The following TMEM132C variants were observed in gnomAD, a reference collection of about 807,000 sequenced individuals.
TMEM132C encodes the protein transmembrane protein 132C, also known as protein phosphatase 1, regulatory subunit 152.
A neutral mutation model predicts 61.4 loss-of-function variants in TMEM132C; 29 were observed. The ratio of observed to expected loss-of-function variants is 0.47; its 90% CI spans 0.35 to 0.64. The LOEUF (loss-of-function observed/expected upper bound fraction) is 0.64. TMEM132C is among the 30% of genes least tolerant of loss of function. TMEM132C has a pLI of 0.00. For synonymous variants in TMEM132C, 656 were observed against 633.1 expected, an observed-to-expected ratio of 1.04 and a Z score of -0.54; for missense variants, 1,408 against 1,476.9, an observed-to-expected ratio of 0.95 and a Z score of 0.76.
chr12:128,378,306 C>T (rs1435288383), intron 1 of TMEM132C, among the ~76,000 whole-genome samples: 5 of 151,898 alleles, frequency 3.3e-5, no homozygotes, highest in Admixed American at 6.6e-5. Context: ...TTAGTAGAGA[C>T]GGGGTTTGAC....
intron 4 of TMEM132C, among the ~76,000 whole-genome samples, chr12:128,659,670 G>T (rs1358019713): frequency 6.6e-6 from 1 of 152,210 alleles, no homozygotes; most frequent in African/African-American, 2.4e-5. Context: ...GGCTACAGAT[G>T]GAAGGAAGGA....
At chr12:128,689,627 A>G (rs896010588) in intron 5 of TMEM132C, among the ~76,000 whole-genome samples, 1 of 152,084 alleles carries the variant, frequency 6.6e-6, no homozygotes, top group Admixed American at 6.5e-5. Context: ...TTAATTAGAG[A>G]CCCAAGTGGA....
At chr12:128,527,874 T>G (rs1472144653) in intron 2 of TMEM132C, among the ~76,000 whole-genome samples, 1 of 152,194 alleles carries the variant, frequency 6.6e-6, no homozygotes, top group African/African-American at 2.4e-5. Flanking sequence ...CCTAACTGTT[T>G]ACTCCTATGT....
chr12:128,407,776 G>A (rs751058888), intron 1 of TMEM132C, among the ~76,000 whole-genome samples: 4 of 152,234 alleles, frequency 2.6e-5, no homozygotes, highest in Non-Finnish European at 5.9e-5. Flanking sequence ...TCACAAGGCA[G>A]CCCAGATTCA....
chr12:128,644,871 T>C (rs954531486), intron 4 of TMEM132C, among the ~76,000 whole-genome samples: 2 of 152,138 alleles, frequency 1.3e-5, no homozygotes, highest in African/African-American at 4.8e-5. Flanking sequence ...AGGTAAGATG[T>C]TTGCTGGGAC....
At chr12:128,678,338 A>G (rs1954610000) in intron 5 of TMEM132C, among the ~76,000 whole-genome samples, 1 of 152,156 alleles carries the variant, frequency 6.6e-6, no homozygotes, top group Non-Finnish European at 1.5e-5. Context: ...CCCTTTGTGG[A>G]CTTGGGGTCC....
chr12:128,479,485 A>G (rs1474476224), intron 2 of TMEM132C, among the ~76,000 whole-genome samples: 2 of 152,044 alleles, frequency 1.3e-5, no homozygotes, highest in Admixed American at 6.6e-5. Context: ...CACTGGGGGA[A>G]AAAAAGTATT....
At chr12:128,317,477 G>A (rs1375910248) in intron 1 of TMEM132C, among the ~76,000 whole-genome samples, 1 of 152,242 alleles carries the variant, frequency 6.6e-6, no homozygotes, top group Non-Finnish European at 1.5e-5. Context: ...CCACAAACAA[G>A]ATGAGTCAAG....
At chr12:128,434,352 G>T (rs1452073821) in intron 2 of TMEM132C, among the ~76,000 whole-genome samples, 1 of 152,180 alleles carries the variant, frequency 6.6e-6, no homozygotes, top group African/African-American at 2.4e-5. Flanking sequence ...CCAGGCTGGA[G>T]TGCATTGGTG....
At chr12:128,649,029 G>C (rs990045865) in intron 4 of TMEM132C, among the ~76,000 whole-genome samples, 1 of 150,574 alleles carries the variant, frequency 6.6e-6, no homozygotes, top group Non-Finnish European at 1.5e-5. Flanking sequence ...ATCAGCATTG[G>C]ATGTCAGTGT....
intron 2 of TMEM132C, among the ~76,000 whole-genome samples, chr12:128,519,479 C>T (rs1055361379): frequency 3.3e-5 from 5 of 152,206 alleles, no homozygotes; most frequent in Non-Finnish European, 7.3e-5. Flanking sequence ...GCTTCTACAG[C>T]TGCATTCATC....
At chr12:128,582,688 G>T (rs978089198) in intron 3 of TMEM132C, among the ~76,000 whole-genome samples, 5 of 152,164 alleles carry the variant, frequency 3.3e-5, no homozygotes, top group African/African-American at 1.2e-4. Flanking sequence ...TGTAAAAAGT[G>T]CCTTTTGACT....
intron 2 of TMEM132C, among the ~76,000 whole-genome samples, chr12:128,501,196 G>T (rs1197184936): frequency 1.3e-5 from 2 of 152,112 alleles, no homozygotes; most frequent in East Asian, 3.8e-4. Flanking sequence ...TGGTACCATA[G>T]GTGGCTCAGC....
chr12:128,436,510 G>A (rs1441811731), intron 2 of TMEM132C, among the ~76,000 whole-genome samples: 1 of 152,284 alleles, frequency 6.6e-6, no homozygotes, highest in South Asian at 2.1e-4. Flanking sequence ...CTTCTCAAAA[G>A]AAGACATTTA....
chr12:128,608,007 A>G (rs753150137), intron 3 of TMEM132C, among the ~76,000 whole-genome samples: 12 of 152,164 alleles, frequency 7.9e-5, no homozygotes, highest in Non-Finnish European at 1.5e-4. Flanking sequence ...AAGGGATGCA[A>G]ATGTCATTCT....
intron 1 of TMEM132C, among the ~76,000 whole-genome samples, chr12:128,414,074 C>T (rs990181188): frequency 6.6e-6 from 1 of 152,026 alleles, no homozygotes; most frequent in Non-Finnish European, 1.5e-5. Flanking sequence ...TACAGTTGTC[C>T]TAGCACCAGT....
chr12:128,524,228 C>A (rs999094810), intron 2 of TMEM132C, among the ~76,000 whole-genome samples: 7 of 152,062 alleles, frequency 4.6e-5, no homozygotes, highest in Non-Finnish European at 1.0e-4. Flanking sequence ...TATGGGGTAC[C>A]CTTTGGAAAA....
In TMEM132C at chr12:128,321,168, T is replaced by TAAC. The variant is rs112741384; in HGVS notation, c.85+53683_85+53684insCAA. ...ATAATAATAATAATAATAATAATAA[T>TAAC]AATAATAATAATGCCAACATTTCTT... On this transcript the variant is annotated intron_variant, in intron 1 of 8. Coordinates refer to ENST00000435159, the MANE Select transcript of TMEM132C (RefSeq NM_001136103.3). Among the ~76,000 whole-genome samples the TAAC allele has an allele frequency of 3.6e-3, 531 of 149,144 alleles. 5 individuals are homozygous for TAAC. The highest frequency in any genetic ancestry group is 0.012 in the African/African-American group (505 of 40,946).
chr12:128,481,220 AC>A (rs1340764424), intron 2 of TMEM132C, among the ~76,000 whole-genome samples: 5 of 152,244 alleles, frequency 3.3e-5, no homozygotes, highest in African/African-American at 1.2e-4. Context: ...TTGTAAGGGT[AC>A]ACGGGTGCTA....
Sources: gnomAD v4.1 joint callset for allele counts (sites outside exome capture counted in the v4.1 genomes callset) on GRCh38, gnomAD v4.1.1 for gene constraint, MANE v1.5 for transcripts, NCBI Gene and HGNC (gene_info 2026-07-23, HGNC 2026-07-21) for gene names.